TRIM37: variants seen among roughly 807,000 people sequenced by gnomAD.
TRIM37 encodes tripartite motif containing 37.
In TRIM37, 80 loss-of-function variants were observed where a neutral mutation model predicts 129.8. The observed-to-expected ratio is 0.62, with a 90% CI of 0.51 to 0.74. TRIM37 has a LOEUF of 0.74. Ranked by LOEUF, TRIM37 falls within the 30% of genes least tolerant of loss-of-function variation. The probability of loss-of-function intolerance (pLI) is 0.00; values close to 1 mark genes in which losing one functional copy is unlikely to be tolerated. For missense variants in TRIM37, 1,054 were observed against 1,176.5 expected (o/e 0.90, Z 1.52); for synonymous variants, 389 against 387.1 (o/e 1.00, Z -0.06).
chr17:59,043,917 A>G (rs1487862143), intron 16 of TRIM37, among the ~76,000 whole-genome samples: 1 of 152,192 alleles, frequency 6.6e-6, no homozygotes, highest in African/African-American at 2.4e-5. Flanking sequence ...AACATACAAC[A>G]CTATTAAGAG....
chr17:59,061,112 AAAG>A lies in TRIM37; in HGVS notation c.943-7_943-5del, dbSNP rs886053177. 34 of 1,612,692 alleles carry A rather than the reference AAAG, an allele frequency of 2.1e-5. No homozygotes were observed. Among genetic ancestry groups the A allele is most frequent in the Non-Finnish European group, 2.6e-5 (31 of 1,178,964 alleles). ...CTCGCACAACTCCATTTCCATCCTA[AAAG>A]AAGAATAATCAGTTTGAGTGTAAAA... On this transcript the variant is annotated splice_polypyrimidine_tract_variant and splice_region_variant and intron_variant, in intron 11 of 23. Coordinates refer to ENST00000262294, the MANE Select transcript of TRIM37 (RefSeq NM_015294.6).
chr17:58,980,893 T>C, downstream of TRIM37: 2 of 1,614,132 alleles, frequency 1.2e-6, no homozygotes, highest in Non-Finnish European at 1.7e-6. This position sits in a 1 kb window ranked among gnomAD's most constrained non-coding sequence, Gnocchi z 4.7. Flanking sequence ...TTACTGGAAG[T>C]GGGAAGAGAA....
chr17:59,007,351 C>T (rs945367045), intron 22 of TRIM37, among the ~76,000 whole-genome samples: 18 of 151,752 alleles, frequency 1.2e-4, no homozygotes, highest in South Asian at 4.2e-4. Context: ...AGTTAATTTT[C>T]CTTTTTGTTC....
chr17:59,011,494 T>G (rs1315768568), intron 22 of TRIM37, among the ~76,000 whole-genome samples: 1 of 152,120 alleles, frequency 6.6e-6, no homozygotes, highest in Non-Finnish European at 1.5e-5. Context: ...TTCAAATGAG[T>G]GCAGAGGTGG....
rs940258333 is a variant in TRIM37, at chr17:59,091,440, T to A, written c.124-100A>T. ...TTATATATAATATATATAATATTCT[T>A]AATATATATAATATATAAATATATA... On this transcript the variant is annotated intron_variant, in intron 2 of 23. Coordinates refer to ENST00000262294, the MANE Select transcript of TRIM37 (RefSeq NM_015294.6). 146 of 206,624 alleles carry A rather than the reference T, an allele frequency of 7.1e-4. 1 individual carries two copies. The highest frequency in any genetic ancestry group is 3.6e-3 in the African/African-American group (139 of 38,996). The allele number at this position is 206,624 out of a possible 1,614,324, so 12.8% of individuals were successfully genotyped here. A position where few individuals can be genotyped will look rare whatever the true frequency, so the allele number is the denominator to read the frequency against.
intron 8 of TRIM37, among the ~76,000 whole-genome samples, chr17:59,072,747 CAAA>C (rs34205408): frequency 1.5e-5 from 2 of 132,174 alleles, no homozygotes; most frequent in East Asian, 2.2e-4. Flanking sequence ...GACTCTGTCT[CAAA>C]AAAAAAAAAA....
chr17:59,007,039 A>G (rs1328281084), intron 22 of TRIM37, among the ~76,000 whole-genome samples: 1 of 152,056 alleles, frequency 6.6e-6, no homozygotes, highest in African/African-American at 2.4e-5. Context: ...CCACTCCCAG[A>G]ATGCTGTTCT....
chr17:58,984,361 AGTG>A (rs1567905359), intron 24 of TRIM37: 6 of 152,682 alleles, frequency 3.9e-5, no homozygotes, highest in Admixed American at 6.5e-5. Flanking sequence ...GGCCAAGTTC[AGTG>A]TTTACAGATA....
chr17:59,094,351 A>G (rs2044668522), intron 2 of TRIM37, among the ~76,000 whole-genome samples: 1 of 152,228 alleles, frequency 6.6e-6, no homozygotes, highest in Non-Finnish European at 1.5e-5. Flanking sequence ...TCATTCAATT[A>G]AAAAATCATA....
intron 20 of TRIM37, 69 bp downstream of exon 20, chr17:59,017,227 C>T (rs562665977): frequency 1.6e-5 from 26 of 1,580,920 alleles, no homozygotes; most frequent in South Asian, 3.3e-5. Context: ...TAAAGCTCCA[C>T]GATAACATCA....
At chr17:59,002,820 A>G (rs1341101613) in intron 22 of TRIM37, among the ~76,000 whole-genome samples, 1 of 152,142 alleles carries the variant, frequency 6.6e-6, no homozygotes, top group Non-Finnish European at 1.5e-5. Flanking sequence ...TGGGATAGAA[A>G]AATGAACCCC....
chr17:59,030,892 CCTGT>C (rs2037773605), intron 18 of TRIM37, among the ~76,000 whole-genome samples: 1 of 152,320 alleles, frequency 6.6e-6, no homozygotes, highest in Admixed American at 6.5e-5. Context: ...AGAATCAGAA[CCTGT>C]CTGTTTCACT....
chr17:59,056,809 G>C (rs191126499), intron 13 of TRIM37, 66 bp downstream of exon 13: 66 of 1,149,744 alleles, frequency 5.7e-5, no homozygotes, highest in African/African-American at 3.5e-4. Context: ...AATGATCTTT[G>C]AAATATAGTT....
At chr17:59,089,511 C>T (rs1030551346) in intron 3 of TRIM37, among the ~76,000 whole-genome samples, 4 of 151,742 alleles carry the variant, frequency 2.6e-5, no homozygotes, top group East Asian at 2.0e-4. Context: ...CGTGGTGGCA[C>T]GTGCCTGTAA....
chr17:58,983,722 G>C (rs7502088), intron 24 of TRIM37: 2 of 152,614 alleles, frequency 1.3e-5, no homozygotes, highest in African/African-American at 4.8e-5. Context: ...TAGTGGTGGT[G>C]AAAGTTCTAC....
intron 4 of TRIM37, among the ~76,000 whole-genome samples, chr17:59,087,686 C>A (rs1189562073): frequency 6.6e-6 from 1 of 152,008 alleles, no homozygotes; most frequent in African/African-American, 2.4e-5. Flanking sequence ...TCTTGCTTTA[C>A]CATGTTGTGA....
chr17:59,090,935 A>G (rs1476375112), intron 3 of TRIM37, among the ~76,000 whole-genome samples: 1 of 152,040 alleles, frequency 6.6e-6, no homozygotes, highest in African/African-American at 2.4e-5. Flanking sequence ...CGGCCAAGCT[A>G]TCTGGATTTT....
downstream of TRIM37, among the ~76,000 whole-genome samples, chr17:58,979,382 A>G (rs1026460425): frequency 2.6e-5 from 4 of 152,242 alleles, no homozygotes; most frequent in Non-Finnish European, 5.9e-5. Context: ...GGTCAGCCAC[A>G]TAACTCCTCC....
chr17:58,987,203 TGAGTAACTG>T (rs550663604), intron 24 of TRIM37, among the ~76,000 whole-genome samples: 7 of 152,328 alleles, frequency 4.6e-5, no homozygotes. Flanking sequence ...ATTTTCCAAA[TGAGTAACTG>T]GAGTTTAACT....
Sources: allele counts gnomAD v4.1 joint callset (sites outside exome capture counted in the v4.1 genomes callset), GRCh38; gene constraint gnomAD v4.1.1; non-coding constraint Gnocchi (gnomAD v3.1); transcripts MANE v1.5; gene names NCBI Gene and HGNC (gene_info 2026-07-23, HGNC 2026-07-21).